The following CSNK1G2 variants were observed in gnomAD, a reference collection of about 807,000 sequenced individuals.
The protein encoded by CSNK1G2 is casein kinase I isoform gamma-2.
CSNK1G2 carries 11 observed loss-of-function variants against 48.0 expected under a neutral mutation model. The ratio of observed to expected loss-of-function variants is 0.23; its 90% CI spans 0.14 to 0.38. The LOEUF is 0.38. CSNK1G2 is among the 10% of genes least tolerant of loss of function. CSNK1G2 has a pLI of 1.00. For missense variants in CSNK1G2, 446 were observed against 595.5 expected (o/e 0.75, Z 2.61); for synonymous variants, 337 against 254.1 (o/e 1.33, Z -3.10).
intron 1 of CSNK1G2, among the ~76,000 whole-genome samples, chr19:1,964,776 A>C (rs2015311873): frequency 6.6e-6 from 1 of 150,558 alleles, no homozygotes; most frequent in Non-Finnish European, 1.5e-5. Context: ...CCCAGGCTGG[A>C]GTGCAGTGGT....
In CSNK1G2 at chr19:1,978,330, C is replaced by T. The variant is rs779884762; in HGVS notation, c.213C>T (p.Tyr71=). 3 of 1,613,396 alleles carry T rather than the reference C, an allele frequency of 1.9e-6. No homozygotes were observed. Among genetic ancestry groups the T allele is most frequent in the South Asian group, 2.2e-5 (2 of 91,086 alleles). ...RLGKNLYTNE[Y]VAIKLEPIKS... ...GAAAGAATCTCTATACAAATGAATA[C>T]GTGGCTATCAAATTGGTGAGTCGGC... The change falls in exon 3 of 12, where the codon TAC becomes TAT. Residue 71 remains tyrosine (Y), a synonymous_variant. Transcript: ENST00000255641. This position sits in a 1 kb window ranked among gnomAD's most constrained non-coding sequence, Gnocchi z 7.3.
At chr19:1,946,297 A>ATTATTTATTTATTTATTTT (rs1568178934) in intron 1 of CSNK1G2, among the ~76,000 whole-genome samples, 3 of 146,608 alleles carry the variant, frequency 2.0e-5, no homozygotes, top group African/African-American at 2.5e-5. Flanking sequence ...TTTTTTATTT[A>ATTATTTATTTATTTATTTT]TTTATTTTTT....
chr19:1,954,082 C>T (rs776372081), intron 1 of CSNK1G2: 3 of 495,598 alleles, frequency 6.1e-6, no homozygotes, highest in African/African-American at 5.9e-5. Context: ...GGGCGGCTTC[C>T]CTCCTCTCCC....
intron 1 of CSNK1G2, among the ~76,000 whole-genome samples, chr19:1,956,212 G>C (rs899959717): frequency 6.6e-6 from 1 of 152,168 alleles, no homozygotes; most frequent in Non-Finnish European, 1.5e-5. Context: ...GCCAGGAGCA[G>C]TGGGGCCCTA....
Position 1,957,276 on chromosome 19 carries a change from G to T in CSNK1G2, c.-265-12232G>T, listed in dbSNP as rs1312947224. ...GGCCAGTGGCCCTGTGCCCAGGAGG[G>T]TGCCTTGCCCAGCCTGGAGGCCCGC... On this transcript the variant is annotated intron_variant, in intron 1 of 11. Transcript: ENST00000255641. This position sits in a 1 kb window ranked among gnomAD's most constrained non-coding sequence, Gnocchi z 5.4. 6.6e-6 allele frequency among the ~76,000 whole-genome samples: 1 copy of T among 152,232 alleles called. No homozygotes were observed. The highest frequency in any genetic ancestry group is 1.5e-5 in the Non-Finnish European group (1 of 68,038).
chr19:1,951,901 C>T lies in CSNK1G2; in HGVS notation c.-266+10483C>T, dbSNP rs372018694. 7.9e-5 allele frequency among the ~76,000 whole-genome samples: 12 copies of T among 152,220 alleles called. No homozygotes were observed. In the East Asian group the frequency reaches 1.2e-3, roughly 15 times the overall value. On this transcript the variant is annotated intron_variant, in intron 1 of 11. Coordinates refer to ENST00000255641, the MANE Select transcript of CSNK1G2 (RefSeq NM_001319.7). ...TTCACCGTGTTAGCGAAGATGGTCT[C>T]GATCTCCTGACCTCGTGATCCACCC...
chr19:1,971,570 G>T (rs1302890886), intron 2 of CSNK1G2, among the ~76,000 whole-genome samples: 1 of 152,190 alleles, frequency 6.6e-6, no homozygotes, highest in Non-Finnish European at 1.5e-5. Flanking sequence ...GGCGCACACA[G>T]CCACAACCAC....
intron 1 of CSNK1G2, among the ~76,000 whole-genome samples, chr19:1,962,764 G>A (rs2015239722): frequency 6.7e-6 from 1 of 148,310 alleles, no homozygotes; most frequent in Admixed American, 6.6e-5. Flanking sequence ...AGCCACTGTG[G>A]AGACGACCTG....
intron 1 of CSNK1G2, among the ~76,000 whole-genome samples, chr19:1,945,859 C>T (rs1005135232): frequency 1.3e-5 from 2 of 150,742 alleles, no homozygotes; most frequent in Non-Finnish European, 2.9e-5. Context: ...TCCCTTGATG[C>T]GCATCTGCTG....
intron 1 of CSNK1G2, among the ~76,000 whole-genome samples, chr19:1,945,225 T>C (rs1159326224): frequency 1.3e-5 from 2 of 152,218 alleles, no homozygotes; most frequent in Non-Finnish European, 2.9e-5. Flanking sequence ...GCGTGAGCTG[T>C]GTCCTGGGCC....
At chr19:1,948,213 T>TGGGG in intron 1 of CSNK1G2, among the ~76,000 whole-genome samples, 1 of 152,154 alleles carries the variant, frequency 6.6e-6, no homozygotes, top group Non-Finnish European at 1.5e-5. Context: ...AGAGCCGGGC[T>TGGGG]CACAGCGTTT....
intron 1 of CSNK1G2, among the ~76,000 whole-genome samples, chr19:1,963,504 G>A (rs960141651): frequency 6.6e-6 from 1 of 151,500 alleles, no homozygotes. Flanking sequence ...GAGCCACCGC[G>A]CCCAGCCTAT....
At position 1,978,410 on chromosome 19, in the gene CSNK1G2, G is replaced by A. The variant is rs756324100; in HGVS notation, c.229-32G>A. On this transcript the variant is annotated intron_variant, in intron 3 of 11. Coordinates refer to ENST00000255641, the MANE Select transcript of CSNK1G2 (RefSeq NM_001319.7). The surrounding 1 kb of genome is among the most constrained non-coding windows in gnomAD (Gnocchi z 7.3). ...CCCAGGGATTTCAGGGCAGCGACCC[G>A]GTCCCCTGGTGACTCGCTCTTGTGC... 10 of 1,611,408 alleles carry A rather than the reference G, an allele frequency of 6.2e-6. No individual in the cohort carries two copies. Among genetic ancestry groups the A allele is most frequent in the East Asian group, 2.2e-5 (1 of 44,794 alleles).
chr19:1,979,844 C>T lies in CSNK1G2; in HGVS notation c.1086+9C>T, dbSNP rs1030088293. The T allele has an allele frequency of 5.6e-6, 9 of 1,601,960 alleles. No individual in the cohort carries two copies. The highest frequency in any genetic ancestry group is 3.4e-5 in the Admixed American group (2 of 58,530). ...CGCACAGCAAAAACCAGGTGAGGCC[C>T]GGGCGGGACCGACCGCCCCAGGGAG... On this transcript the variant is annotated intron_variant, in intron 10 of 11. Coordinates refer to ENST00000255641, the MANE Select transcript of CSNK1G2 (RefSeq NM_001319.7).
chr19:1,979,402 A>G lies in CSNK1G2; in HGVS notation c.852A>G (p.Pro284=), dbSNP rs2015886468. 1 of 1,578,650 alleles carries G rather than the reference A, an allele frequency of 6.3e-7. No individual in the cohort carries two copies. The change falls in exon 8 of 12, where the codon CCA becomes CCG. Residue 284 remains proline, a splice_region_variant and synonymous_variant. Coordinates refer to ENST00000255641, the MANE Select transcript of CSNK1G2 (RefSeq NM_001319.7). The part of the protein sequence containing the change: ...TPIEVLCENF[P]EEMATYLRYV... ...TCGAGGTGCTCTGCGAGAACTTCCC[A>G]GGTAAGGGGTCCCTGCGCCCCCGCC...
At chr19:1,953,626 G>A in intron 1 of CSNK1G2, 1 of 421,182 alleles carries the variant, frequency 2.4e-6, no homozygotes, top group South Asian at 1.8e-5. Flanking sequence ...CTTTTCCCTG[G>A]TCAGCTCTGC....
At chr19:1,971,725 A>G (rs1435238015) in intron 2 of CSNK1G2, among the ~76,000 whole-genome samples, 2 of 149,334 alleles carry the variant, frequency 1.3e-5, no homozygotes, top group African/African-American at 2.5e-5. Context: ...TGAATAGTGC[A>G]GGTCCCTGTA....
rs146384132 is a variant in CSNK1G2 at position 1,960,476 on chromosome 19, G to A, written c.-265-9032G>A. Among the ~76,000 whole-genome samples the A allele has an allele frequency of 8.5e-5, 13 of 152,338 alleles. No individual in the cohort carries two copies. The East Asian group carries it at 1.5e-3, about 18-fold the overall frequency. Reference sequence around the variant, plus strand: ...GCAGTGTCCCCTCGGGATGTTTGCCGTGCTGGATCTCACACCCGGCTCTGA... The same window carrying A: ...GCAGTGTCCCCTCGGGATGTTTGCCATGCTGGATCTCACACCCGGCTCTGA... On this transcript the variant is annotated intron_variant, in intron 1 of 11. Transcript: ENST00000255641.
intron 1 of CSNK1G2, among the ~76,000 whole-genome samples, chr19:1,946,075 A>C (rs2014544223): frequency 6.6e-6 from 1 of 151,904 alleles, no homozygotes; most frequent in Non-Finnish European, 1.5e-5. Flanking sequence ...TGTTCCCGGG[A>C]GAGGTGGGAA....
Sources: gnomAD v4.1 joint callset for allele counts (sites outside exome capture counted in the v4.1 genomes callset) on GRCh38, gnomAD v4.1.1 for gene constraint, Gnocchi (gnomAD v3.1) non-coding constraint, MANE v1.5 for transcripts, NCBI Gene and HGNC (gene_info 2026-07-23, HGNC 2026-07-21) for gene names.